The following PTPRN2 variants were observed in gnomAD, a reference collection of about 807,000 sequenced individuals.
PTPRN2 encodes the protein protein tyrosine phosphatase receptor type N2, also known as receptor-type tyrosine-protein phosphatase N2.
Under a neutral mutation model 118.8 loss-of-function variants are expected in PTPRN2, and 74 were observed. The ratio of observed to expected loss-of-function variants is 0.62; its 90% CI spans 0.52 to 0.76. The LOEUF (loss-of-function observed/expected upper bound fraction) is 0.76. Ranked by LOEUF, PTPRN2 falls within the 30% of genes least tolerant of loss-of-function variation. The pLI is 0.00. For missense variants in PTPRN2, 1,481 were observed against 1,394.4 expected (o/e 1.06, Z -0.99); for synonymous variants, 641 against 608.0 (o/e 1.05, Z -0.80).
chr7:157,761,462 T>C lies in PTPRN2; in HGVS notation c.1789-78525A>G, dbSNP rs1464271837. ...ATAATGCCTCATATCTACAACTATCTGATCTTTGACAAACCTGAGAAAAAC... is the reference window on the plus strand; with the variant it reads ...ATAATGCCTCATATCTACAACTATCCGATCTTTGACAAACCTGAGAAAAAC... On this transcript the variant is annotated intron_variant, in intron 12 of 22. Coordinates refer to ENST00000389418, the MANE Select transcript of PTPRN2 (RefSeq NM_002847.5). 4.6e-5 allele frequency among the ~76,000 whole-genome samples: 7 copies of C among 151,796 alleles called. No homozygotes were observed. The East Asian group carries it at 1.4e-3, about 29-fold the overall frequency.
At chr7:157,941,693 C>T (rs911012600) in intron 11 of PTPRN2, among the ~76,000 whole-genome samples, 4 of 152,198 alleles carry the variant, frequency 2.6e-5, no homozygotes, top group African/African-American at 7.2e-5. Flanking sequence ...CTAGGACCAT[C>T]CTGAAAGTGC....
intron 12 of PTPRN2, among the ~76,000 whole-genome samples, chr7:157,715,756 C>T (rs966815003): frequency 2.6e-5 from 4 of 152,216 alleles, no homozygotes; most frequent in Admixed American, 6.5e-5. Flanking sequence ...CTACACACCC[C>T]GATGTTCTGG....
chr7:157,614,007 G>C (rs552471460), intron 15 of PTPRN2: 2 of 471,138 alleles, frequency 4.2e-6, no homozygotes, highest in Non-Finnish European at 8.8e-6. Flanking sequence ...ATTCTTGCTG[G>C]TGGAAGACCA....
Position 158,155,700 on chromosome 7 carries a change from TC to T in PTPRN2, c.910+11230del, listed in dbSNP as rs1356475493. On this transcript the variant is annotated intron_variant, in intron 6 of 22. Coordinates refer to ENST00000389418, the MANE Select transcript of PTPRN2 (RefSeq NM_002847.5). ...ATCATCACCATCACCATCAGCACTA[TC>T]ATCACCGTCAACACCATCATCACCA... Among the ~76,000 whole-genome samples, 242 of 148,748 alleles carry T rather than the reference TC, an allele frequency of 1.6e-3. 2 individuals carry two copies. The highest frequency in any genetic ancestry group is 5.7e-3 in the African/African-American group (225 of 39,428).
intron 10 of PTPRN2, among the ~76,000 whole-genome samples, chr7:158,084,854 A>C (rs1307299721): frequency 7.1e-6 from 1 of 141,406 alleles, no homozygotes; most frequent in Non-Finnish European, 1.5e-5. Flanking sequence ...GCCCATCCAC[A>C]TCCTTGATGC....
intron 2 of PTPRN2, among the ~76,000 whole-genome samples, chr7:158,405,253 A>C (rs1489005460): frequency 6.6e-6 from 1 of 152,086 alleles, no homozygotes; most frequent in Non-Finnish European, 1.5e-5. Context: ...CACATCCCCT[A>C]GGATTTTGGG....
intron 11 of PTPRN2, among the ~76,000 whole-genome samples, chr7:158,036,305 A>G (rs1480610893): frequency 6.6e-6 from 1 of 152,232 alleles, no homozygotes; most frequent in Admixed American, 6.5e-5. Flanking sequence ...ATCTGACTAT[A>G]CTTGTAACCA....
rs1268660941 is a variant in PTPRN2, at chr7:157,611,157, A to G, written c.2345-7082T>C. 6.6e-6 allele frequency among the ~76,000 whole-genome samples: 1 copy of G among 152,172 alleles called. No homozygotes were observed. The highest frequency in any genetic ancestry group is 1.5e-5 in the Non-Finnish European group (1 of 68,028). ...CCCAGAGGAGCAACAGTGGCCCCAA[A>G]TGGCATGGTCACAAGGCTGGTTTAG... is the stretch of plus-strand genomic sequence containing the variant. On this transcript the variant is annotated intron_variant, in intron 15 of 22. Transcript: ENST00000389418. The surrounding 1 kb of genome is among the most constrained non-coding windows in gnomAD (Gnocchi z 5.9).
chr7:157,993,037 G>T (rs1775126755), intron 11 of PTPRN2, among the ~76,000 whole-genome samples: 2 of 152,168 alleles, frequency 1.3e-5, no homozygotes, highest in Non-Finnish European at 2.9e-5. Flanking sequence ...CACGGGGTCT[G>T]CCCAGGTCAC....
At chr7:157,659,328 T>TG (rs1186832724) in intron 13 of PTPRN2, among the ~76,000 whole-genome samples, 46 of 53,926 alleles carry the variant, frequency 8.5e-4, no homozygotes, top group African/African-American at 3.3e-3. Flanking sequence ...CCCCGGGGAC[T>TG]GGGGGGGGAC....
chr7:157,899,012 G>C (rs1177526028), intron 11 of PTPRN2, among the ~76,000 whole-genome samples: 1 of 152,234 alleles, frequency 6.6e-6, no homozygotes, highest in East Asian at 1.9e-4. Flanking sequence ...GGACTGCTAT[G>C]AATCACTGAT....
chr7:158,331,746 G>T (rs1417580598), intron 2 of PTPRN2, among the ~76,000 whole-genome samples: 8 of 150,400 alleles, frequency 5.3e-5, no homozygotes, highest in Non-Finnish European at 8.8e-5. Flanking sequence ...ACCTGCAGAC[G>T]TCACTCAAAC....
At chr7:158,494,029 T>C (rs1821647659) in intron 1 of PTPRN2, among the ~76,000 whole-genome samples, 2 of 152,244 alleles carry the variant, frequency 1.3e-5, no homozygotes, top group African/African-American at 4.8e-5. Flanking sequence ...CCTTTTTTCT[T>C]ACCCTTCTCA....
In PTPRN2 at chr7:157,763,490, C is replaced by T. The variant is rs748660559; in HGVS notation, c.1789-80553G>A. Among the ~76,000 whole-genome samples, 10 of 152,066 alleles carry T rather than the reference C, an allele frequency of 6.6e-5. No individual in the cohort carries two copies. Among genetic ancestry groups the T allele is most frequent in the Admixed American group, 2.6e-4 (4 of 15,268 alleles). On this transcript the variant is annotated intron_variant, in intron 12 of 22. Transcript: ENST00000389418. The surrounding 1 kb of genome is among the most constrained non-coding windows in gnomAD (Gnocchi z 4.9). ...TCCCTTCTCCTAGCCCCAAACCCCA[C>T]GGCACAGTTGGGGATCCTCTCGGCT...
intron 11 of PTPRN2, among the ~76,000 whole-genome samples, chr7:158,063,349 T>A (rs1162090448): frequency 3.3e-5 from 5 of 152,162 alleles, no homozygotes. Flanking sequence ...GCACTCAGTG[T>A]CTAGCTCAGG....
chr7:157,972,942 C>A (rs1004488759), intron 11 of PTPRN2, among the ~76,000 whole-genome samples: 3 of 152,000 alleles, frequency 2.0e-5, no homozygotes, highest in African/African-American at 7.3e-5. Context: ...CACAGGAACT[C>A]CACACCACGA....
chr7:158,444,941 G>A (rs568060568), intron 2 of PTPRN2, among the ~76,000 whole-genome samples: 9 of 152,086 alleles, frequency 5.9e-5, no homozygotes, highest in East Asian at 5.8e-4. Context: ...AAACGCGGCC[G>A]CACCCGGCGG....
chr7:158,230,943 A>G (rs1249019724), intron 3 of PTPRN2, among the ~76,000 whole-genome samples: 1 of 152,244 alleles, frequency 6.6e-6, no homozygotes, highest in African/African-American at 2.4e-5. Context: ...CCATATCTAT[A>G]AAGATGGACA....
At position 157,869,239 on chromosome 7, in the gene PTPRN2, G is replaced by C. The variant is rs1225722535; in HGVS notation, c.1788+29434C>G. ...AGAGCCTCCCAGCATGGGAGGTCTG[G>C]GTAGGGCCTTGGAGGCCTGCTGGGA... is the stretch of plus-strand genomic sequence containing the variant. On this transcript the variant is annotated intron_variant, in intron 12 of 22. Coordinates refer to ENST00000389418, the MANE Select transcript of PTPRN2 (RefSeq NM_002847.5). This position sits in a 1 kb window ranked among gnomAD's most constrained non-coding sequence, Gnocchi z 4.2. 1 of 152,164 alleles carries C rather than the reference G, an allele frequency of 6.6e-6. No individual in the cohort carries two copies. The highest frequency in any genetic ancestry group is 1.9e-4 in the East Asian group (1 of 5,176). 9.4% of individuals were successfully genotyped at this position (152,164 alleles called of 1,614,324 possible). A position where few individuals can be genotyped will look rare whatever the true frequency, so the allele number is the denominator to read the frequency against.
Sources: gnomAD v4.1 joint callset for allele counts (sites outside exome capture counted in the v4.1 genomes callset) on GRCh38, gnomAD v4.1.1 for gene constraint, Gnocchi (gnomAD v3.1) non-coding constraint, MANE v1.5 for transcripts, NCBI Gene and HGNC (gene_info 2026-07-23, HGNC 2026-07-21) for gene names.